Variants in CCDC93 observed in about 807,000 individuals in gnomAD.
CCDC93 encodes coiled-coil domain-containing protein 93.
CCDC93 carries 61 observed loss-of-function variants against 108.2 expected under a neutral mutation model. The ratio of observed to expected loss-of-function variants is 0.56; its 90% CI spans 0.46 to 0.70. CCDC93 has a LOEUF of 0.70. Ranked by LOEUF, CCDC93 falls within the 30% of genes least tolerant of loss-of-function variation. The pLI is 0.00. For missense variants in CCDC93, 685 were observed against 764.2 expected (o/e 0.90, Z 1.22); for synonymous variants, 276 against 260.4 (o/e 1.06, Z -0.58).
At chr2:118,013,829 G>A (rs1677085948) in intron 1 of CCDC93, 125 bp downstream of exon 1, 6 of 830,438 alleles carry the variant, frequency 7.2e-6, no homozygotes, top group Non-Finnish European at 1.1e-5. Context: ...TCCCTGAGGT[G>A]GATACGCCTG....
intron 3 of CCDC93, among the ~76,000 whole-genome samples, chr2:118,004,426 G>A (rs914841212): frequency 6.6e-6 from 1 of 152,132 alleles, no homozygotes; most frequent in Admixed American, 6.5e-5. Flanking sequence ...GCCTCAATTG[G>A]GCACATAAAG....
intron 1 of CCDC93, among the ~76,000 whole-genome samples, chr2:118,010,542 C>T (rs1038205117): frequency 6.6e-6 from 1 of 152,180 alleles, no homozygotes; most frequent in African/African-American, 2.4e-5. Context: ...ATCTTCCCTT[C>T]CCTTTCATTC....
chr2:117,962,059 A>C (rs971423887), intron 11 of CCDC93, among the ~76,000 whole-genome samples: 9 of 152,252 alleles, frequency 5.9e-5, no homozygotes, highest in African/African-American at 1.2e-4. Context: ...TAGAGGAAAC[A>C]GATTTAAATG....
chr2:117,916,162 G>C lies in CCDC93; in HGVS notation c.*4181C>G, dbSNP rs1046328. On this transcript the variant is annotated 3_prime_UTR_variant, in exon 24 of 24. Transcript: ENST00000376300. ...TACATGTCACACTCCTGCCACCACCGTATCTAGTGCTGCCACCCACAGCCT... is the reference window on the plus strand; with the variant it reads ...TACATGTCACACTCCTGCCACCACCCTATCTAGTGCTGCCACCCACAGCCT... The C allele has an allele frequency of 6.6e-6, 1 of 151,894 alleles. No homozygotes were observed. The highest frequency in any genetic ancestry group is 1.5e-5 in the Non-Finnish European group (1 of 68,006). The allele number at this position is 151,894 out of a possible 1,614,324, so 9.4% of individuals were successfully genotyped here. A position where few individuals can be genotyped will look rare whatever the true frequency, so the allele number is the denominator to read the frequency against.
At chr2:117,960,285 T>C (rs967906675) in intron 11 of CCDC93, among the ~76,000 whole-genome samples, 2 of 152,184 alleles carry the variant, frequency 1.3e-5, no homozygotes, top group Non-Finnish European at 2.9e-5. Flanking sequence ...GTGTGAGGAT[T>C]ATGCTTCAGT....
rs141635454 is a variant in CCDC93 at position 117,998,361 on chromosome 2, G to A, written c.364-1999C>T. Reference sequence around the variant, plus strand: ...AAACAAAAACAGGCAAAAGCTACAGGCACATGGTGAGTTTCATCATAGTTA... The same window carrying A: ...AAACAAAAACAGGCAAAAGCTACAGACACATGGTGAGTTTCATCATAGTTA... On this transcript the variant is annotated intron_variant, in intron 4 of 23. Coordinates refer to ENST00000376300, the MANE Select transcript of CCDC93 (RefSeq NM_019044.5). The A allele has an allele frequency of 2.0e-5, 3 of 152,280 alleles. No individual in the cohort carries two copies. The East Asian group carries it at 5.8e-4, about 29-fold the overall frequency. 9.4% of individuals were successfully genotyped at this position (152,280 alleles called of 1,614,324 possible). A position where few individuals can be genotyped will look rare whatever the true frequency, so the allele number is the denominator to read the frequency against.
At chr2:117,957,964 TA>T (rs1679270345) in intron 12 of CCDC93, among the ~76,000 whole-genome samples, 1 of 152,230 alleles carries the variant, frequency 6.6e-6, no homozygotes, top group South Asian at 2.1e-4. Flanking sequence ...GGAAGGATCA[TA>T]ACTTGTTCTT....
chr2:118,008,426 G>C, intron 2 of CCDC93, 119 bp downstream of exon 2: 2 of 660,436 alleles, frequency 3.0e-6, no homozygotes, highest in East Asian at 5.2e-5. Context: ...GAATTAGGAA[G>C]AAATGGAAAC....
rs1678888048 is a variant in CCDC93, at chr2:117,946,849, T to C, written c.1258A>G (p.Asn420Asp). The part of the protein sequence containing the change: ...EMTRLQQEIE[N>D]LKAERAPRGD... ...CGTGGTGCTCTCTCAGCTTTCAGGT[T>C]TTCAATTTCTTGCTGTAGTCGTGTC... Residue 420 changes from asparagine to aspartate, a missense_variant, in exon 16 of 24, where the codon AAC becomes GAC. Coordinates refer to ENST00000376300, the MANE Select transcript of CCDC93 (RefSeq NM_019044.5). 6.2e-7 allele frequency: 1 copy of C among 1,613,856 alleles called. No individual in the cohort carries two copies. Among genetic ancestry groups the C allele is most frequent in the Non-Finnish European group, 8.5e-7 (1 of 1,179,698 alleles).
chr2:117,950,782 G>T (rs1301269882), intron 13 of CCDC93: 1 of 985,176 alleles, frequency 1.0e-6, no homozygotes, highest in Non-Finnish European at 1.2e-6. Context: ...CATTTTTCTA[G>T]ATGGGAATTA....
At chr2:117,951,302 A>C (rs1679050322) in intron 13 of CCDC93, 1 of 985,314 alleles carries the variant, frequency 1.0e-6, no homozygotes, top group African/African-American at 1.7e-5. Context: ...AAAGGAAGCT[A>C]ATCTGTCCAA....
intron 11 of CCDC93, among the ~76,000 whole-genome samples, chr2:117,969,579 G>C (rs1027554711): frequency 6.6e-6 from 1 of 152,174 alleles, no homozygotes; most frequent in Non-Finnish European, 1.5e-5. Context: ...AAGCTAGCCT[G>C]GTACTATTAG....
intron 1 of CCDC93, 73 bp from the exon 2 acceptor site, chr2:118,008,731 G>A: frequency 1.1e-6 from 1 of 888,690 alleles, no homozygotes. Flanking sequence ...ATCCCCTGAT[G>A]CCACAAGCTC....
intron 13 of CCDC93, chr2:117,951,184 T>C: frequency 4.1e-6 from 4 of 985,410 alleles, no homozygotes; most frequent in Non-Finnish European, 4.8e-6. Flanking sequence ...GATCCACGAA[T>C]TGGCAAACTT....
chr2:117,950,117 T>C, intron 13 of CCDC93: 1 of 985,362 alleles, frequency 1.0e-6, no homozygotes, highest in Non-Finnish European at 1.2e-6. Flanking sequence ...CAGCAAACAG[T>C]AGGTAGATCC....
At chr2:117,990,237 T>C (rs1009744775) in intron 6 of CCDC93, among the ~76,000 whole-genome samples, 1 of 152,210 alleles carries the variant, frequency 6.6e-6, no homozygotes, top group Non-Finnish European at 1.5e-5. Context: ...GAGCTGATTA[T>C]GATTATGATG....
intron 11 of CCDC93, among the ~76,000 whole-genome samples, chr2:117,970,440 T>C (rs939509398): frequency 1.3e-5 from 2 of 151,698 alleles, no homozygotes; most frequent in Non-Finnish European, 2.9e-5. Flanking sequence ...AATGAACCTC[T>C]CATTTGGAAA....
chr2:118,006,550 G>C (rs1161900989), intron 3 of CCDC93, among the ~76,000 whole-genome samples, 172 bp downstream of exon 3: 1 of 152,216 alleles, frequency 6.6e-6, no homozygotes, highest in Non-Finnish European at 1.5e-5. Context: ...ATCTAGCTGT[G>C]TGACCTTGGC....
At chr2:117,998,312 G>A (rs1348681970) in intron 4 of CCDC93, 3 of 152,164 alleles carry the variant, frequency 2.0e-5, no homozygotes, top group Non-Finnish European at 4.4e-5. Context: ...ATTCTTTCAC[G>A]AGTGCCCGGG....
Sources: allele counts gnomAD v4.1 joint callset (sites outside exome capture counted in the v4.1 genomes callset), GRCh38; gene constraint gnomAD v4.1.1; transcripts MANE v1.5; gene names NCBI Gene and HGNC (gene_info 2026-07-23, HGNC 2026-07-21).